Variants in PCDH7 observed in about 807,000 individuals in gnomAD.
PCDH7 encodes the protein protocadherin 7.
In PCDH7, 17 loss-of-function variants were observed where a neutral mutation model predicts 58.9. The observed-to-expected ratio is 0.29, with a 90% CI of 0.20 to 0.43. The LOEUF (loss-of-function observed/expected upper bound fraction) is 0.43. Ranked by LOEUF, PCDH7 falls within the 20% of genes least tolerant of loss-of-function variation. The pLI is 1.00. For synonymous variants in PCDH7, 664 were observed against 616.4 expected (o/e 1.08, Z -1.14); for missense variants, 1,274 against 1,441.0 (o/e 0.88, Z 1.88).
intron 3 of PCDH7, among the ~76,000 whole-genome samples, chr4:31,069,854 TA>T (rs1758398467): frequency 1.1e-5 from 1 of 89,502 alleles, no homozygotes; most frequent in African/African-American, 4.2e-5. Context: ...ATATATAAAT[TA>T]ATCTCAAATT....
intron 1 of PCDH7, among the ~76,000 whole-genome samples, chr4:30,751,944 C>T (rs1718576492): frequency 6.6e-6 from 1 of 152,022 alleles, no homozygotes; most frequent in African/African-American, 2.4e-5. Flanking sequence ...TCTCCTGTTT[C>T]AAAATAGTAA....
At chr4:30,798,710 A>C (rs1394671835) in intron 1 of PCDH7, among the ~76,000 whole-genome samples, 1 of 152,160 alleles carries the variant, frequency 6.6e-6, no homozygotes, top group East Asian at 1.9e-4. Context: ...TTCTTAATGA[A>C]GTCATGCCTA....
At chr4:30,781,947 T>C (rs1195045158) in intron 1 of PCDH7, among the ~76,000 whole-genome samples, 2 of 152,220 alleles carry the variant, frequency 1.3e-5, no homozygotes, top group African/African-American at 4.8e-5. Flanking sequence ...GTGTATACTC[T>C]AACTTATGTA....
intron 1 of PCDH7, among the ~76,000 whole-genome samples, chr4:30,775,793 A>G (rs2109283198): frequency 6.6e-6 from 1 of 152,236 alleles, no homozygotes; most frequent in African/African-American, 2.4e-5. Context: ...GCTACTCGGG[A>G]GGCTGAGGCA....
chr4:31,072,498 A>C (rs1323108570), intron 3 of PCDH7, among the ~76,000 whole-genome samples: 1 of 152,102 alleles, frequency 6.6e-6, no homozygotes, highest in Non-Finnish European at 1.5e-5. Context: ...CAGAGGAAAG[A>C]AGCAGGCTTT....
intron 3 of PCDH7, among the ~76,000 whole-genome samples, chr4:30,968,315 T>A (rs79294522): frequency 2.3e-5 from 1 of 43,890 alleles, no homozygotes; most frequent in African/African-American, 1.3e-4. Context: ...TATATATATA[T>A]ACACTATATA....
At chr4:30,879,040 T>C (rs1736632392) in intron 1 of PCDH7, among the ~76,000 whole-genome samples, 2 of 152,062 alleles carry the variant, frequency 1.3e-5, no homozygotes, top group African/African-American at 4.8e-5. Flanking sequence ...AATATATATG[T>C]GAAATATTAT....
intron 3 of PCDH7, among the ~76,000 whole-genome samples, chr4:30,957,477 A>T (rs545901703): frequency 5.3e-5 from 8 of 152,278 alleles, no homozygotes; most frequent in African/African-American, 1.9e-4. Context: ...GGAAATGTGG[A>T]TCTAATTTTG....
At chr4:30,756,059 C>T (rs1204099814) in intron 1 of PCDH7, among the ~76,000 whole-genome samples, 2 of 152,068 alleles carry the variant, frequency 1.3e-5, no homozygotes, top group Non-Finnish European at 2.9e-5. Context: ...AGCCTGGTGA[C>T]AGAGTGAGAC....
chr4:30,786,416 T>C (rs2109294386), intron 1 of PCDH7, among the ~76,000 whole-genome samples: 1 of 152,200 alleles, frequency 6.6e-6, no homozygotes, highest in East Asian at 1.9e-4. Context: ...TGACATTTCA[T>C]AGCCTTGAAA....
intron 1 of PCDH7, among the ~76,000 whole-genome samples, chr4:30,777,346 G>A (rs1722206563): frequency 6.6e-6 from 1 of 152,138 alleles, no homozygotes; most frequent in African/African-American, 2.4e-5. Context: ...TTTTTAAAAA[G>A]TAATTCAGAG....
chr4:30,955,012 T>C (rs894198921), intron 3 of PCDH7, among the ~76,000 whole-genome samples: 1 of 152,170 alleles, frequency 6.6e-6, no homozygotes, highest in Non-Finnish European at 1.5e-5. Flanking sequence ...GCTGTGATCA[T>C]GTATTCCATT....
chr4:30,774,484 G>T (rs929076990), intron 1 of PCDH7, among the ~76,000 whole-genome samples: 1 of 152,060 alleles, frequency 6.6e-6, no homozygotes, highest in South Asian at 2.1e-4. Flanking sequence ...TTTAAATTCC[G>T]CAGAATCCTC....
chr4:30,959,977 C>T (rs1160261267), intron 3 of PCDH7, among the ~76,000 whole-genome samples: 1 of 151,932 alleles, frequency 6.6e-6, no homozygotes, highest in East Asian at 1.9e-4. Flanking sequence ...AGTCTAACCA[C>T]TCTGTATTCT....
intron 2 of PCDH7, among the ~76,000 whole-genome samples, chr4:30,935,946 C>T (rs1375576737): frequency 2.0e-5 from 3 of 152,008 alleles, no homozygotes; most frequent in African/African-American, 7.2e-5. Context: ...TCTAAAGGCA[C>T]CACGTCATCA....
chr4:31,009,513 G>A (rs181515978), intron 3 of PCDH7, among the ~76,000 whole-genome samples: 2 of 152,116 alleles, frequency 1.3e-5, no homozygotes, highest in Admixed American at 6.6e-5. Flanking sequence ...TACCAACACT[G>A]TGGTAGCAAG....
At chr4:30,726,608 G>A (rs1714645259) in intron 1 of PCDH7, among the ~76,000 whole-genome samples, 2 of 151,912 alleles carry the variant, frequency 1.3e-5, no homozygotes. Flanking sequence ...TTTTAACTGA[G>A]TAAAGAAGTC....
intron 1 of PCDH7, among the ~76,000 whole-genome samples, chr4:30,841,038 A>G (rs1157702491): frequency 6.6e-6 from 1 of 152,154 alleles, no homozygotes; most frequent in Non-Finnish European, 1.5e-5. Context: ...ACGTAAGACT[A>G]TGGAATTTAA....
rs558560570 is a variant in PCDH7 at position 30,759,090 on chromosome 4, C to T, written c.70+34494C>T. 3.3e-5 allele frequency among the ~76,000 whole-genome samples: 5 copies of T among 151,780 alleles called. No individual in the cohort carries two copies. In the East Asian group the frequency reaches 5.9e-4, roughly 18 times the overall value. On this transcript the variant is annotated intron_variant, in intron 1 of 3. Transcript: ENST00000509759. ...CCGAGTAGTTGGGATTACAGGTGCC[C>T]GCCATGACGCCCAGCTAATTTTTGT...
Sources: gnomAD v4.1 joint callset for allele counts (sites outside exome capture counted in the v4.1 genomes callset) on GRCh38, gnomAD v4.1.1 for gene constraint, MANE v1.5 for transcripts, NCBI Gene and HGNC (gene_info 2026-07-23, HGNC 2026-07-21) for gene names.